The following KALRN variants were observed in gnomAD, a reference collection of about 807,000 sequenced individuals.
The protein encoded by KALRN is kalirin RhoGEF kinase, also known as kalirin.
Under a neutral mutation model 353.7 loss-of-function variants are expected in KALRN, and 70 were observed. The observed-to-expected ratio is 0.20, with a 90% CI of 0.16 to 0.24. The LOEUF is 0.24. Ranked by LOEUF, KALRN falls within the 10% of genes least tolerant of loss-of-function variation. KALRN has a pLI of 1.00. For synonymous variants in KALRN, 1,391 were observed against 1,434.8 expected (o/e 0.97, Z 0.69); for missense variants, 2,791 against 3,756.7 (o/e 0.74, Z 6.72).
intron 1 of KALRN, among the ~76,000 whole-genome samples, chr3:124,223,641 A>T (rs1466053931): frequency 6.6e-6 from 1 of 152,140 alleles, no homozygotes; most frequent in Admixed American, 6.5e-5. Flanking sequence ...TTGTTTCTTC[A>T]CTTGTTGAAA....
intron 29 of KALRN, among the ~76,000 whole-genome samples, chr3:124,489,422 C>G (rs547791648): frequency 1.3e-5 from 2 of 152,292 alleles, no homozygotes; most frequent in East Asian, 3.9e-4. Flanking sequence ...CTTCTGGACT[C>G]CATCCTACTC....
intron 5 of KALRN, among the ~76,000 whole-genome samples, chr3:124,277,684 G>A (rs1010485489): frequency 6.6e-6 from 1 of 152,164 alleles, no homozygotes; most frequent in African/African-American, 2.4e-5. Context: ...CCTGCAGGAG[G>A]AGTGTGGGTG....
At chr3:124,329,121 C>T (rs1401194578) in intron 7 of KALRN, among the ~76,000 whole-genome samples, 1 of 152,182 alleles carries the variant, frequency 6.6e-6, no homozygotes, top group Non-Finnish European at 1.5e-5. Flanking sequence ...CCCAATAAAT[C>T]TGAGTGATTT....
chr3:124,218,460 C>T (rs553289656), intron 1 of KALRN, among the ~76,000 whole-genome samples: 1 of 152,148 alleles, frequency 6.6e-6, no homozygotes, highest in Non-Finnish European at 1.5e-5. Context: ...ACAGTTGGAT[C>T]ATAATAATCA....
chr3:124,577,407 G>A (rs1396084035), intron 34 of KALRN, among the ~76,000 whole-genome samples: 4 of 152,150 alleles, frequency 2.6e-5, no homozygotes, highest in Admixed American at 6.6e-5. Flanking sequence ...CTGTCACCAA[G>A]TGGATGATGG....
chr3:124,175,560 C>T (rs903555549), intron 1 of KALRN, among the ~76,000 whole-genome samples: 7 of 151,200 alleles, frequency 4.6e-5, no homozygotes, highest in East Asian at 2.0e-4. Flanking sequence ...TGTGCGCTGC[C>T]GAGGGTCCAG....
intron 1 of KALRN, among the ~76,000 whole-genome samples, chr3:124,200,209 T>C (rs778204309): frequency 2.8e-4 from 42 of 152,228 alleles, no homozygotes; most frequent in Non-Finnish European, 4.6e-4. Flanking sequence ...GTGGAATATT[T>C]GGTAAGTAAC....
At chr3:124,361,937 T>G (rs1401424993) in intron 10 of KALRN, among the ~76,000 whole-genome samples, 3 of 152,140 alleles carry the variant, frequency 2.0e-5, no homozygotes, top group Admixed American at 1.3e-4. Context: ...CCTCTTCCTC[T>G]TCCTCCTTCA....
intron 13 of KALRN, among the ~76,000 whole-genome samples, chr3:124,412,987 T>A (rs1165523591): frequency 6.6e-6 from 1 of 152,180 alleles, no homozygotes; most frequent in Non-Finnish European, 1.5e-5. Context: ...TCTGAGGACC[T>A]CTTTAGTTAT....
At chr3:124,608,978 A>T (rs1488684031) in intron 34 of KALRN, among the ~76,000 whole-genome samples, 1 of 152,162 alleles carries the variant, frequency 6.6e-6, no homozygotes, top group Non-Finnish European at 1.5e-5. Flanking sequence ...AGGTACCATG[A>T]AAGGTACCTT....
At chr3:124,289,181 G>C (rs1366804188) in intron 5 of KALRN, among the ~76,000 whole-genome samples, 2 of 152,080 alleles carry the variant, frequency 1.3e-5, no homozygotes, top group African/African-American at 4.8e-5. Flanking sequence ...TCCATCATGG[G>C]GGGGGTCCCA....
chr3:124,144,345 A>T (rs2067012386), intron 1 of KALRN, among the ~76,000 whole-genome samples: 1 of 151,994 alleles, frequency 6.6e-6, no homozygotes, highest in Non-Finnish European at 1.5e-5. Context: ...GCTTAGCTAA[A>T]TTTTTCCCTG....
intron 6 of KALRN, among the ~76,000 whole-genome samples, chr3:124,299,784 C>A (rs2077124877): frequency 1.3e-5 from 2 of 152,138 alleles, no homozygotes; most frequent in South Asian, 4.1e-4. Flanking sequence ...CTCCAGATGA[C>A]CACTCTTATC....
chr3:124,699,813 T>C, intron 55 of KALRN, 56 bp from the exon 56 acceptor site: 1 of 1,557,094 alleles, frequency 6.4e-7, no homozygotes, highest in Non-Finnish European at 8.8e-7. Flanking sequence ...TGAAGGTCTT[T>C]GAAACAATAT....
At chr3:124,395,615 A>T (rs2090064221) in intron 12 of KALRN, 1 of 426,958 alleles carries the variant, frequency 2.3e-6, no homozygotes, top group Non-Finnish European at 4.2e-6. Flanking sequence ...AAAATTAACA[A>T]AAGACAAAAA....
At chr3:124,280,759 T>C (rs923236180) in intron 5 of KALRN, among the ~76,000 whole-genome samples, 1 of 152,188 alleles carries the variant, frequency 6.6e-6, no homozygotes, top group Non-Finnish European at 1.5e-5. Flanking sequence ...GGAGGATGTC[T>C]TCTCACATGT....
chr3:124,569,419 G>C (rs951054462), intron 34 of KALRN, among the ~76,000 whole-genome samples: 1 of 152,208 alleles, frequency 6.6e-6, no homozygotes, highest in Non-Finnish European at 1.5e-5. Flanking sequence ...ATGTCGACTT[G>C]TGTTAAGTGT....
intron 1 of KALRN, among the ~76,000 whole-genome samples, chr3:124,055,016 G>A (rs1238801685): frequency 6.6e-6 from 1 of 152,164 alleles, no homozygotes; most frequent in South Asian, 2.1e-4. Flanking sequence ...ACTTTAAGAA[G>A]AAAGTGGGTG....
At chr3:124,321,604 G>A (rs866996574) in intron 6 of KALRN, among the ~76,000 whole-genome samples, 1 of 152,188 alleles carries the variant, frequency 6.6e-6, no homozygotes, top group Non-Finnish European at 1.5e-5. Context: ...ATGGGACAAG[G>A]CCTCAGAAGA....
Sources: gnomAD v4.1 joint callset for allele counts (sites outside exome capture counted in the v4.1 genomes callset) on GRCh38, gnomAD v4.1.1 for gene constraint, MANE v1.5 for transcripts, NCBI Gene and HGNC (gene_info 2026-07-23, HGNC 2026-07-21) for gene names.